GNG7: variants seen among roughly 807,000 people sequenced by gnomAD.
The protein encoded by GNG7 is guanine nucleotide-binding protein G(I)/G(S)/G(O) subunit gamma-7.
In GNG7, 1 loss-of-function variant was observed where a neutral mutation model predicts 4.0. The ratio of observed to expected loss-of-function variants is 0.25; its 90% confidence interval spans 0.09 to 1.18. The LOEUF (loss-of-function observed/expected upper bound fraction) is 1.18, where lower values mean the gene tolerates loss of function less well. GNG7 is among the 50% of genes most tolerant of loss of function. The pLI is 0.50. For missense variants in GNG7, 86 were observed against 91.9 expected, an observed-to-expected ratio of 0.94 and a Z score of 0.26; for synonymous variants, 34 against 36.9, an observed-to-expected ratio of 0.92 and a Z score of 0.29.
chr19:2,696,272 G>GAGAAAGAAAAAGAGAGAGAGAGAAAGAA (rs1913245662), intron 1 of GNG7, among the ~76,000 whole-genome samples: 1 of 129,216 alleles, frequency 7.7e-6, no homozygotes, highest in Admixed American at 8.8e-5. Flanking sequence ...AAGAGAAGGA[G>GAGAAAGAAAAAGAGAGAGAGAGAAAGAA]AGAAAGAAAA....
At chr19:2,553,647 T>C (rs903607518) in intron 3 of GNG7, among the ~76,000 whole-genome samples, 9 of 94,262 alleles carry the variant, frequency 9.5e-5, no homozygotes, top group Non-Finnish European at 2.1e-4. Flanking sequence ...TAATATGTTA[T>C]ATTACATACA....
At chr19:2,667,093 G>T (rs1358093100) in intron 1 of GNG7, among the ~76,000 whole-genome samples, 2 of 152,252 alleles carry the variant, frequency 1.3e-5, no homozygotes, top group Admixed American at 6.5e-5. Flanking sequence ...GCTGAGGCGG[G>T]TGGATCACTT....
In GNG7 at chr19:2,557,184, GAC is replaced by G. The variant is rs761272502; in HGVS notation, c.-77-1998_-77-1997del. Among the ~76,000 whole-genome samples the G allele has an allele frequency of 1.9e-4, 29 of 149,914 alleles. No individual in the cohort carries two copies. The highest frequency in any genetic ancestry group is 3.4e-4 in the Non-Finnish European group (23 of 67,632). On this transcript the variant is annotated intron_variant, in intron 2 of 4. Transcript: ENST00000382159. This position sits in a 1 kb window ranked among gnomAD's most constrained non-coding sequence, Gnocchi z 5.1. The stretch of plus-strand genomic sequence containing the variant: ...GACACGCGCACACACGTACACACAA[GAC>G]ACGTGCACACACATTTGCATGCACA...
intron 2 of GNG7, among the ~76,000 whole-genome samples, chr19:2,621,864 G>GCACAC (rs1172270905): frequency 6.6e-6 from 1 of 152,150 alleles, no homozygotes; most frequent in Non-Finnish European, 1.5e-5. Context: ...GCCCAGGGGA[G>GCACAC]CACAGCTCTG....
In GNG7 at chr19:2,557,418, T is replaced by C. The variant is rs1382678425; in HGVS notation, c.-77-2230A>G. 6.6e-6 allele frequency among the ~76,000 whole-genome samples: 1 copy of C among 152,146 alleles called. No homozygotes were observed. The highest frequency in any genetic ancestry group is 1.9e-4 in the East Asian group (1 of 5,186). ...GCGAGCGCCTCCACCCAGCCCTGCATCTGAAGCAAGGTCCTGCTAGTAAAC... is the reference window on the plus strand; with the variant it reads ...GCGAGCGCCTCCACCCAGCCCTGCACCTGAAGCAAGGTCCTGCTAGTAAAC... On this transcript the variant is annotated intron_variant, in intron 2 of 4. Transcript: ENST00000382159. This position sits in a 1 kb window ranked among gnomAD's most constrained non-coding sequence, Gnocchi z 5.1.
Position 2,512,758 on chromosome 19 carries a change from C to T in GNG7, c.*2264G>A, listed in dbSNP as rs1047040366. The T allele has an allele frequency of 7.3e-5, 25 of 341,368 alleles. No individual in the cohort carries two copies. The highest frequency in any genetic ancestry group is 4.2e-4 in the African/African-American group (19 of 44,904). 21.1% of individuals were successfully genotyped at this position (341,368 alleles called of 1,614,324 possible). A position where few individuals can be genotyped will look rare whatever the true frequency, so the allele number is the denominator to read the frequency against. On this transcript the variant is annotated 3_prime_UTR_variant, in exon 5 of 5. Transcript: ENST00000382159. This position sits in a 1 kb window ranked among gnomAD's most constrained non-coding sequence, Gnocchi z 4.7. ...GATTAAGGCCTCTTTTAAGGAAAAA[C>T]GGGGTGGGGTGTGTTTGTTCCCAGT...
chr19:2,525,970 A>AGTTTTT, intron 3 of GNG7, among the ~76,000 whole-genome samples: 1 of 26,782 alleles, frequency 3.7e-5, no homozygotes, highest in Non-Finnish European at 6.0e-5. Flanking sequence ...CCTCCACGCC[A>AGTTTTT]ATTTTTTTTT....
intron 2 of GNG7, among the ~76,000 whole-genome samples, chr19:2,590,587 A>C (rs181149999): frequency 0.011 from 1,430 of 135,976 alleles, 37 homozygotes; most frequent in African/African-American, 0.04. Flanking sequence ...TCATCCATCC[A>C]TCCACCCACC....
At chr19:2,697,815 T>TA (rs1345837668) in intron 1 of GNG7, among the ~76,000 whole-genome samples, 1 of 147,984 alleles carries the variant, frequency 6.8e-6, no homozygotes, top group Non-Finnish European at 1.5e-5. Context: ...CTACTAAAAA[T>TA]ACAAAAATTA....
At chr19:2,601,650 C>T (rs533844592) in intron 2 of GNG7, among the ~76,000 whole-genome samples, 17 of 151,646 alleles carry the variant, frequency 1.1e-4, no homozygotes, top group African/African-American at 4.1e-4. Context: ...TGGTGGCTCA[C>T]GTCTGTAATC....
intron 1 of GNG7, among the ~76,000 whole-genome samples, chr19:2,673,747 G>A (rs546648709): frequency 1.3e-5 from 2 of 151,830 alleles, no homozygotes; most frequent in Non-Finnish European, 2.9e-5. Context: ...TAAATAAAGT[G>A]TGGAGTTGAG....
intron 2 of GNG7, among the ~76,000 whole-genome samples, chr19:2,568,503 G>T (rs1980023338): frequency 6.7e-6 from 1 of 148,874 alleles, no homozygotes; most frequent in Non-Finnish European, 1.5e-5. Context: ...CATACACAGG[G>T]TCTCTGTGTG....
chr19:2,661,337 A>G (rs563728727), intron 1 of GNG7, among the ~76,000 whole-genome samples: 10 of 147,460 alleles, frequency 6.8e-5, no homozygotes, highest in African/African-American at 2.5e-4. Flanking sequence ...AGAAAGAAAG[A>G]AAGAAAGAAA....
chr19:2,696,342 G>GAAAGAAAGA (rs1162023444), intron 1 of GNG7, among the ~76,000 whole-genome samples: 2 of 128,584 alleles, frequency 1.6e-5, no homozygotes, highest in Non-Finnish European at 3.3e-5. Flanking sequence ...AAGAAAGAAA[G>GAAAGAAAGA]AAAGAAAAGA....
chr19:2,598,665 T>A (rs185272756), intron 2 of GNG7, among the ~76,000 whole-genome samples: 6,854 of 138,198 alleles, frequency 0.05, 544 homozygotes, highest in African/African-American at 0.17. Context: ...TCAAAAAAAA[T>A]GAAAAGTAAT....
chr19:2,539,013 T>C (rs908252364), intron 3 of GNG7, among the ~76,000 whole-genome samples: 5 of 152,026 alleles, frequency 3.3e-5, no homozygotes, highest in South Asian at 2.1e-4. Context: ...CCTCATGATC[T>C]GCCCACCTCG....
chr19:2,619,965 G>C (rs570200065), intron 2 of GNG7, among the ~76,000 whole-genome samples: 2 of 151,622 alleles, frequency 1.3e-5, no homozygotes, highest in South Asian at 2.1e-4. Flanking sequence ...AGGACGAGGG[G>C]GGGGCGCGGA....
rs1257387394 is a variant in GNG7 at position 2,609,907 on chromosome 19, G to A, written c.-78+36317C>T. ...TGACCACGAGTGAGGAAATTGAACG[G>A]TACAGGAAAAGCAGGAGAGCGTGCA... On this transcript the variant is annotated intron_variant, in intron 2 of 4. Coordinates refer to ENST00000382159, the MANE Select transcript of GNG7 (RefSeq NM_052847.3). The surrounding 1 kb of genome is among the most constrained non-coding windows in gnomAD (Gnocchi z 4.4). Among the ~76,000 whole-genome samples, 1 of 152,102 alleles carries A rather than the reference G, an allele frequency of 6.6e-6. No homozygotes were observed. Among genetic ancestry groups the A allele is most frequent in the African/African-American group, 2.4e-5 (1 of 41,404 alleles).
At chr19:2,578,099 A>C (rs995881244) in intron 2 of GNG7, among the ~76,000 whole-genome samples, 4 of 151,996 alleles carry the variant, frequency 2.6e-5, no homozygotes, top group African/African-American at 9.7e-5. Context: ...TGGCCTCCCA[A>C]AGTGCTGAGA....
Sources: gnomAD v4.1 joint callset for allele counts (sites outside exome capture counted in the v4.1 genomes callset) on GRCh38, gnomAD v4.1.1 for gene constraint, Gnocchi (gnomAD v3.1) non-coding constraint, MANE v1.5 for transcripts, NCBI Gene and HGNC (gene_info 2026-07-23, HGNC 2026-07-21) for gene names.